The following CFAP90 variants were observed in gnomAD, a reference collection of about 807,000 sequenced individuals.
CFAP90 encodes the protein cilia and flagella associated protein 90.
chr5:7,841,912 A>C, the CFAP90 span, among the ~76,000 whole-genome samples: 13 of 152,302 alleles, frequency 8.5e-5, no homozygotes, highest in South Asian at 2.7e-3. Context: ...GATGATCTGT[A>C]CAACCCACCA....
the CFAP90 span, among the ~76,000 whole-genome samples, chr5:7,838,995 A>G: frequency 6.6e-6 from 1 of 152,202 alleles, no homozygotes; most frequent in African/African-American, 2.4e-5. Context: ...TAAAAGAAAG[A>G]GGTTTAATGG....
At chr5:7,835,003 T>C in the CFAP90 span, among the ~76,000 whole-genome samples, 2 of 152,268 alleles carry the variant, frequency 1.3e-5, no homozygotes, top group East Asian at 3.9e-4. Context: ...GCAGGTTTGG[T>C]TCTAAACCAC....
the CFAP90 span, among the ~76,000 whole-genome samples, chr5:7,839,777 T>G: frequency 6.6e-6 from 1 of 152,190 alleles, no homozygotes; most frequent in Non-Finnish European, 1.5e-5. Flanking sequence ...TTAGGAAGCT[T>G]ATTTTTGTGC....
chr5:7,843,096 T>G, the CFAP90 span, among the ~76,000 whole-genome samples: 1 of 152,192 alleles, frequency 6.6e-6, no homozygotes, highest in Non-Finnish European at 1.5e-5. Context: ...TCCGTGAGTT[T>G]GCTTGTCCAG....
the CFAP90 span, among the ~76,000 whole-genome samples, chr5:7,844,227 G>C: frequency 6.6e-6 from 1 of 152,152 alleles, no homozygotes; most frequent in African/African-American, 2.4e-5. Flanking sequence ...GAGTGAAAAT[G>C]CAACTAGAGA....
the CFAP90 span, among the ~76,000 whole-genome samples, chr5:7,834,643 G>GAT: frequency 6.6e-6 from 1 of 152,028 alleles, no homozygotes. Flanking sequence ...GTAAGTAAAT[G>GAT]ATACACAAGT....
the CFAP90 span, among the ~76,000 whole-genome samples, chr5:7,846,091 G>A: frequency 7.2e-5 from 11 of 152,100 alleles, no homozygotes; most frequent in East Asian, 2.1e-3. Flanking sequence ...CTTACTATGT[G>A]CTACTTTGCA....
At chr5:7,838,275 A>G in the CFAP90 span, among the ~76,000 whole-genome samples, 1 of 152,198 alleles carries the variant, frequency 6.6e-6, no homozygotes, top group African/African-American at 2.4e-5. Flanking sequence ...GAAAATATCA[A>G]TCACTTTGAC....
the CFAP90 span, among the ~76,000 whole-genome samples, chr5:7,838,246 A>T: frequency 6.6e-6 from 1 of 152,244 alleles, no homozygotes; most frequent in Admixed American, 6.5e-5. Context: ...TACACATGAA[A>T]ACAATAGGAA....
chr5:7,836,482 A>C, the CFAP90 span, among the ~76,000 whole-genome samples: 1 of 152,154 alleles, frequency 6.6e-6, no homozygotes, highest in Non-Finnish European at 1.5e-5. Context: ...TGCATGGGGG[A>C]CATCTCAGGG....
At chr5:7,846,108 AATTAAAGTCATTC>A in the CFAP90 span, among the ~76,000 whole-genome samples, 1 of 152,066 alleles carries the variant, frequency 6.6e-6, no homozygotes, top group African/African-American at 2.4e-5. Flanking sequence ...TGCATTGATT[AATTAAAGTCATTC>A]ATATAATAGC....
chr5:7,833,525 A>G, the CFAP90 span, among the ~76,000 whole-genome samples: 1 of 152,140 alleles, frequency 6.6e-6, no homozygotes, highest in Non-Finnish European at 1.5e-5. Context: ...ACACAAACAC[A>G]TGCACACATA....
At chr5:7,849,138 T>C in the CFAP90 span, among the ~76,000 whole-genome samples, 19 of 152,218 alleles carry the variant, frequency 1.2e-4, no homozygotes, top group Non-Finnish European at 2.5e-4. Context: ...TCTAAGGTAC[T>C]GGGGATTAAG....
the CFAP90 span, among the ~76,000 whole-genome samples, chr5:7,842,328 A>G: frequency 6.7e-6 from 1 of 150,246 alleles, no homozygotes; most frequent in Non-Finnish European, 1.5e-5. Flanking sequence ...AAAAAAAAAC[A>G]ACAGAAAAAA....
the CFAP90 span, among the ~76,000 whole-genome samples, chr5:7,842,271 C>T: frequency 6.7e-6 from 1 of 150,368 alleles, no homozygotes; most frequent in Admixed American, 6.6e-5. Context: ...AGCATTAATT[C>T]ACTCTCCACC....
the CFAP90 span, chr5:7,832,140 A>G: frequency 3.8e-6 from 4 of 1,052,520 alleles, no homozygotes; most frequent in Non-Finnish European, 5.5e-6. Flanking sequence ...GGGTCCCACC[A>G]TGGTAGACCA....
At chr5:7,832,509 TC>T in the CFAP90 span, among the ~76,000 whole-genome samples, 1 of 152,156 alleles carries the variant, frequency 6.6e-6, no homozygotes, top group Non-Finnish European at 1.5e-5. Context: ...TTCTTTTTTT[TC>T]TTTTCTTTTG....
the CFAP90 span, among the ~76,000 whole-genome samples, chr5:7,840,635 T>G: frequency 1.4e-4 from 21 of 152,318 alleles, no homozygotes; most frequent in Middle Eastern, 3.4e-3. Context: ...TTAGAACCAC[T>G]GCCGAACAAC....
the CFAP90 span, chr5:7,851,128 G>A: frequency 8.3e-7 from 1 of 1,202,118 alleles, no homozygotes; most frequent in Middle Eastern, 3.1e-4. Flanking sequence ...CGTCTAGCCC[G>A]CGTCTGTGTT....
Sources: gnomAD v4.1 joint callset for allele counts (sites outside exome capture counted in the v4.1 genomes callset) on GRCh38, gnomAD v4.1.1 for gene constraint, MANE v1.5 for transcripts, NCBI Gene and HGNC (gene_info 2026-07-23, HGNC 2026-07-21) for gene names.